The following STIP1 variants were observed in gnomAD, a reference collection of about 807,000 sequenced individuals.
The protein encoded by STIP1 is stress induced phosphoprotein 1.
In STIP1, 16 loss-of-function variants were observed where a neutral mutation model predicts 77.4. That is an observed-to-expected ratio of 0.21 (90% CI 0.14 to 0.31). STIP1 has a LOEUF of 0.31. STIP1 is among the 10% of genes least tolerant of loss of function. STIP1 has a pLI of 1.00. For synonymous variants in STIP1, 258 were observed against 246.6 expected (o/e 1.05, Z -0.44); for missense variants, 524 against 684.8 (o/e 0.77, Z 2.62).
At chr11:64,193,009 A>C (rs1225089243) in intron 1 of STIP1, 69 bp from the exon 2 acceptor site, 2 of 1,427,072 alleles carry the variant, frequency 1.4e-6, no homozygotes, top group Non-Finnish European at 9.8e-7. Context: ...TGAAAGAATG[A>C]GTGTTGTCTT....
At chr11:64,187,875 G>T (rs1020496084) in intron 1 of STIP1, among the ~76,000 whole-genome samples, 10 of 151,766 alleles carry the variant, frequency 6.6e-5, no homozygotes, top group Admixed American at 2.6e-4. Context: ...CGTGGTGGCG[G>T]GAGCCTGTAG....
chr11:64,196,356 A>C (rs998585155), intron 5 of STIP1, among the ~76,000 whole-genome samples: 3 of 146,478 alleles, frequency 2.0e-5, no homozygotes, highest in Non-Finnish European at 4.5e-5. Flanking sequence ...AGAGCTCATC[A>C]CTACACTCCA....
intron 10 of STIP1, 113 bp from the exon 11 acceptor site, chr11:64,202,763 C>G (rs1203185202): frequency 1.7e-6 from 2 of 1,175,144 alleles, no homozygotes; most frequent in African/African-American, 3.0e-5. Context: ...GATGTTGTCC[C>G]CTCTGTTTGG....
chr11:64,193,673 TC>T (rs760695964), intron 2 of STIP1, among the ~76,000 whole-genome samples: 13 of 151,928 alleles, frequency 8.6e-5, no homozygotes, highest in Non-Finnish European at 1.6e-4. Flanking sequence ...TGTAGTCCCA[TC>T]TACTCAGGAG....
chr11:64,202,681 ACAT>A, intron 10 of STIP1, 192 bp from the exon 11 acceptor site: 2 of 617,218 alleles, frequency 3.2e-6, no homozygotes, highest in Non-Finnish European at 5.8e-6. Flanking sequence ...GTTTTTCATA[ACAT>A]CAGCCTCTTG....
intron 2 of STIP1, 53 bp downstream of exon 2, chr11:64,193,340 C>T (rs550382917): frequency 1.3e-6 from 2 of 1,574,896 alleles, no homozygotes; most frequent in South Asian, 1.1e-5. Flanking sequence ...TCCAGAAATG[C>T]CTTTTGGTGG....
chr11:64,185,648 A>C (rs1946001651), upstream of STIP1: 1 of 825,242 alleles, frequency 1.2e-6, no homozygotes, highest in East Asian at 2.7e-5. Context: ...AGCAACCCAG[A>C]GGCCCCGCAG....
chr11:64,191,963 C>T (rs781637245), intron 1 of STIP1, among the ~76,000 whole-genome samples: 7 of 151,872 alleles, frequency 4.6e-5, no homozygotes, highest in Non-Finnish European at 7.4e-5. Context: ...CGGGCAGAGG[C>T]GCTCCTCACT....
Position 64,193,174 on chromosome 11 carries a change from C to T in STIP1, c.106C>T (p.His36Tyr). ...CYSEAIKLDP[H>Y]NHVLYSNRSA... ...CTCCGAAGCTATTAAGCTGGATCCC[C>T]ACAACCACGTGCTGTACAGCAACCG... The change falls in exon 2 of 14, where the codon CAC becomes TAC. Residue 36 changes from histidine (H) to tyrosine (Y), a missense_variant. Physicochemically the swap from His to Tyr is moderately conservative, Grantham distance 83. Transcript: ENST00000305218. 2 of 1,614,178 alleles carry T rather than the reference C, an allele frequency of 1.2e-6. No individual in the cohort carries two copies. The highest frequency in any genetic ancestry group is 1.7e-6 in the Non-Finnish European group (2 of 1,180,038).
chr11:64,196,557 G>A (rs932341951), intron 5 of STIP1, among the ~76,000 whole-genome samples: 2 of 152,206 alleles, frequency 1.3e-5, no homozygotes, highest in East Asian at 1.9e-4. Context: ...AGTAATTCAC[G>A]TCCTTGTCGT....
At chr11:64,202,991 G>T (rs908198079) in intron 11 of STIP1, 79 bp downstream of exon 11, 3 of 1,606,904 alleles carry the variant, frequency 1.9e-6, no homozygotes, top group African/African-American at 2.7e-5. Context: ...TTGTCTACCT[G>T]TGTGTCCTTG....
At chr11:64,203,906 C>T in intron 13 of STIP1, 148 bp from the exon 14 acceptor site, 1 of 945,868 alleles carries the variant, frequency 1.1e-6, no homozygotes, top group Non-Finnish European at 1.6e-6. Context: ...CGAAGTGGAG[C>T]AGGCCTCTGC....
At position 64,204,067 on chromosome 11, in the gene STIP1, C is replaced by A. The variant is rs1302786349; in HGVS notation, c.1573C>A (p.Pro525Thr). 2 of 1,614,138 alleles carry A rather than the reference C, an allele frequency of 1.2e-6. No individual in the cohort carries two copies. Among genetic ancestry groups the A allele is most frequent in the Non-Finnish European group, 1.7e-6 (2 of 1,180,004 alleles). The change falls in exon 14 of 14, where the codon CCT becomes ACT. Residue 525 changes from proline to threonine, a missense_variant. Coordinates refer to ENST00000305218, the MANE Select transcript of STIP1 (RefSeq NM_006819.3). ...PQALSEHLKN[P>T]VIAQKIQKLM... The stretch of plus-strand genomic sequence containing the variant: ...CTTCCTCTGTAGACACTTAAAGAAT[C>A]CTGTAATAGCACAGAAGATCCAGAA...
At position 64,190,001 on chromosome 11, in the gene STIP1, C is replaced by CTTTT. The variant is rs149110413; in HGVS notation, c.10-3076_10-3075insTTTT. Among the ~76,000 whole-genome samples, 14 of 147,522 alleles carry CTTTT rather than the reference C, an allele frequency of 9.5e-5. 1 individual carries two copies. Among genetic ancestry groups the CTTTT allele is most frequent in the Admixed American group, 2.1e-4 (3 of 14,540 alleles). On this transcript the variant is annotated intron_variant, in intron 1 of 13. Coordinates refer to ENST00000305218, the MANE Select transcript of STIP1 (RefSeq NM_006819.3). ...ATTTGAGGATTCCAAAATCATTTCT[C>CTTTT]TCTTTTTTTTTTTTTTCCAAATAGA...
intron 1 of STIP1, among the ~76,000 whole-genome samples, chr11:64,187,645 A>G (rs1462071618): frequency 6.6e-6 from 1 of 152,200 alleles, no homozygotes; most frequent in South Asian, 2.1e-4. Context: ...ATCTAGGGTT[A>G]AATGGGCTGT....
intron 5 of STIP1, 28 bp from the exon 6 acceptor site, chr11:64,197,243 T>C (rs770701680): frequency 1.9e-6 from 3 of 1,613,184 alleles, no homozygotes; most frequent in Non-Finnish European, 2.5e-6. Context: ...TTAGATTTGC[T>C]CAGCACTCAC....
At chr11:64,185,496 G>A (rs912721750), upstream of STIP1, 2 of 349,692 alleles carry the variant, frequency 5.7e-6, no homozygotes, top group South Asian at 6.7e-5. Context: ...GCTGGACAAC[G>A]CGGGTAGCTG....
rs1946167859 is a variant in STIP1, at chr11:64,197,835, G to C, written c.903-19G>C. On this transcript the variant is annotated intron_variant, in intron 7 of 13. Transcript: ENST00000305218. Reference sequence around the variant, plus strand: ...TATCTCTCTGTCCTAAGCAGTCCTTGTCCCTCTTTCTTTATCAGAGCATAT... The same window carrying C: ...TATCTCTCTGTCCTAAGCAGTCCTTCTCCCTCTTTCTTTATCAGAGCATAT... The C allele has an allele frequency of 6.2e-7, 1 of 1,610,446 alleles. No homozygotes were observed. Among genetic ancestry groups the C allele is most frequent in the Admixed American group, 1.7e-5 (1 of 59,588 alleles).
chr11:64,189,958 G>T (rs1946073075), intron 1 of STIP1, among the ~76,000 whole-genome samples: 1 of 150,978 alleles, frequency 6.6e-6, no homozygotes, highest in Admixed American at 6.6e-5. Context: ...CTGATTGATG[G>T]AAGTTCCTGA....
Sources: gnomAD v4.1 joint callset for allele counts (sites outside exome capture counted in the v4.1 genomes callset) on GRCh38, gnomAD v4.1.1 for gene constraint, MANE v1.5 for transcripts, NCBI Gene and HGNC (gene_info 2026-07-23, HGNC 2026-07-21) for gene names.